The following DTNA variants were observed in gnomAD, a reference collection of about 807,000 sequenced individuals.
DTNA encodes dystrophin-related protein 3.
DTNA carries 43 observed loss-of-function variants against 100.7 expected under a neutral mutation model. That is an observed-to-expected ratio of 0.43 (90% CI 0.33 to 0.55). DTNA has a LOEUF of 0.55. DTNA is among the 20% of genes least tolerant of loss of function. DTNA has a pLI of 0.04. For missense variants in DTNA, 798 were observed against 953.9 expected (o/e 0.84, Z 2.15); for synonymous variants, 349 against 347.9 (o/e 1.00, Z -0.04).
chr18:34,646,067 G>A (rs1448912874), intron 1 of DTNA, among the ~76,000 whole-genome samples: 1 of 152,072 alleles, frequency 6.6e-6, no homozygotes, highest in Non-Finnish European at 1.5e-5. Flanking sequence ...TTATGGTTCA[G>A]TATTTTAAGA....
In DTNA at chr18:34,755,991, T is replaced by G. The variant is rs964404879; in HGVS notation, c.15T>G (p.Ser5Arg). 6.2e-7 allele frequency: 1 copy of G among 1,613,334 alleles called. No homozygotes were observed. Among genetic ancestry groups the G allele is most frequent in the Non-Finnish European group, 8.5e-7 (1 of 1,179,564 alleles). The change falls in exon 2 of 23, where the codon AGT (serine) becomes AGG (arginine). Residue 5 changes from serine (S) to arginine (R), a missense_variant. Transcript: ENST00000444659. Reference protein sequence around the residue: MIEDSGKRGNTMAER... With the variant: MIEDRGKRGNTMAER... ...TGTCTCATAGAATGATTGAAGATAGTGGGAAAAGAGGAAATACCATGGCAG... is the reference window on the plus strand; with the variant it reads ...TGTCTCATAGAATGATTGAAGATAGGGGGAAAAGAGGAAATACCATGGCAG...
intron 1 of DTNA, among the ~76,000 whole-genome samples, chr18:34,601,671 A>G (rs1349808833): frequency 2.0e-5 from 3 of 152,172 alleles, no homozygotes; most frequent in African/African-American, 4.8e-5. Context: ...ATCTGATACT[A>G]ATGTCTATTG....
At chr18:34,498,610 G>GT (rs2039550033) in intron 1 of DTNA, among the ~76,000 whole-genome samples, 1 of 151,990 alleles carries the variant, frequency 6.6e-6, no homozygotes, top group Non-Finnish European at 1.5e-5. Flanking sequence ...TTATTTTTGA[G>GT]TGAATGCATG....
chr18:34,852,111 A>G (rs1028618589), intron 15 of DTNA, among the ~76,000 whole-genome samples, 183 bp downstream of exon 15: 2 of 152,244 alleles, frequency 1.3e-5, no homozygotes, highest in African/African-American at 4.8e-5. Flanking sequence ...CAGAAGCTCC[A>G]TGAGAAAACG....
intron 1 of DTNA, among the ~76,000 whole-genome samples, chr18:34,734,004 C>T (rs2088949642): frequency 6.6e-6 from 1 of 152,144 alleles, no homozygotes; most frequent in Non-Finnish European, 1.5e-5. Flanking sequence ...CTTTAAAATC[C>T]ATTCCCATGC....
chr18:34,760,793 G>A (rs2093102482), intron 2 of DTNA, among the ~76,000 whole-genome samples: 1 of 152,126 alleles, frequency 6.6e-6, no homozygotes, highest in Admixed American at 6.5e-5. Context: ...GTCTCCTGTT[G>A]GCAATCTTGG....
intron 11 of DTNA, among the ~76,000 whole-genome samples, chr18:34,836,087 A>T (rs1242678815): frequency 6.6e-6 from 1 of 152,200 alleles, no homozygotes; most frequent in Non-Finnish European, 1.5e-5. Flanking sequence ...CAGCAGGGGT[A>T]CTGTAGGTAC....
At chr18:34,801,343 T>C (rs2095203941) in intron 4 of DTNA, among the ~76,000 whole-genome samples, 1 of 152,130 alleles carries the variant, frequency 6.6e-6, no homozygotes, top group Non-Finnish European at 1.5e-5. Flanking sequence ...AAAGTTTGTA[T>C]AGGCAAAAGT....
intron 1 of DTNA, among the ~76,000 whole-genome samples, chr18:34,685,651 G>A (rs957636631): frequency 6.6e-6 from 1 of 152,164 alleles, no homozygotes; most frequent in African/African-American, 2.4e-5. Flanking sequence ...GAAACTGAAA[G>A]TAGTTTTTTC....
intron 1 of DTNA, among the ~76,000 whole-genome samples, chr18:34,604,698 A>T (rs987112221): frequency 5.3e-5 from 8 of 152,170 alleles, no homozygotes; most frequent in Non-Finnish European, 1.0e-4. Flanking sequence ...ACTTACTTAG[A>T]TTTACAGTAC....
chr18:34,838,683 C>G (rs2096205491), intron 12 of DTNA, 62 bp from the exon 13 acceptor site: 7 of 1,428,370 alleles, frequency 4.9e-6, no homozygotes, highest in South Asian at 3.4e-5. Flanking sequence ...CTCCTACCTC[C>G]TCTACTTATT....
At chr18:34,735,378 A>G (rs971082630) in intron 1 of DTNA, among the ~76,000 whole-genome samples, 1 of 152,206 alleles carries the variant, frequency 6.6e-6, no homozygotes, top group Non-Finnish European at 1.5e-5. Flanking sequence ...TGTATCCTTC[A>G]ATCCAATCAA....
intron 1 of DTNA, among the ~76,000 whole-genome samples, chr18:34,605,963 T>C (rs2147332869): frequency 6.6e-6 from 1 of 152,264 alleles, no homozygotes; most frequent in East Asian, 1.9e-4. Context: ...TTAAATGATT[T>C]AAATAAACAT....
At chr18:34,773,452 G>T (rs1050476665) in intron 3 of DTNA, among the ~76,000 whole-genome samples, 3 of 152,184 alleles carry the variant, frequency 2.0e-5, no homozygotes, top group Non-Finnish European at 4.4e-5. Context: ...CCTAGTCAAG[G>T]AGCCAGCAGG....
intron 1 of DTNA, among the ~76,000 whole-genome samples, chr18:34,572,582 A>C (rs1000795383): frequency 6.6e-6 from 1 of 152,046 alleles, no homozygotes; most frequent in African/African-American, 2.4e-5. Flanking sequence ...AGCACCCCGT[A>C]CTCTTAGAAA....
chr18:34,616,450 A>G (rs573391153), intron 1 of DTNA, among the ~76,000 whole-genome samples: 2 of 152,324 alleles, frequency 1.3e-5, no homozygotes, highest in East Asian at 3.9e-4. Context: ...CAATATTTGC[A>G]AACTATGCAT....
chr18:34,504,806 A>G (rs1568551378), intron 1 of DTNA, among the ~76,000 whole-genome samples: 2 of 152,168 alleles, frequency 1.3e-5, no homozygotes, highest in African/African-American at 4.8e-5. Context: ...GTGTCTTGAC[A>G]TGGATATCCT....
intron 1 of DTNA, among the ~76,000 whole-genome samples, chr18:34,501,203 C>G (rs754655218): frequency 2.3e-4 from 35 of 152,278 alleles, no homozygotes; most frequent in Non-Finnish European, 4.4e-4. Flanking sequence ...TGCTTTTCTT[C>G]ACCAAATGAT....
intron 1 of DTNA, among the ~76,000 whole-genome samples, chr18:34,738,216 T>C (rs1174711603): frequency 1.3e-5 from 2 of 152,288 alleles, no homozygotes; most frequent in East Asian, 3.9e-4. Flanking sequence ...GGACTTCAAA[T>C]TAAAGGCAGT....
Sources: gnomAD v4.1 joint callset for allele counts (sites outside exome capture counted in the v4.1 genomes callset) on GRCh38, gnomAD v4.1.1 for gene constraint, MANE v1.5 for transcripts, NCBI Gene and HGNC (gene_info 2026-07-23, HGNC 2026-07-21) for gene names.